Variants in NEB observed in about 807,000 individuals in gnomAD.
The protein encoded by NEB is nemaline myopathy type 2.
Under a neutral mutation model 952.2 loss-of-function variants are expected in NEB, and 512 were observed. The observed-to-expected ratio is 0.54, with a 90% CI of 0.50 to 0.58. The LOEUF (loss-of-function observed/expected upper bound fraction) is 0.58. Ranked by LOEUF, NEB falls within the 20% of genes least tolerant of loss-of-function variation. The pLI, the probability that NEB is intolerant of heterozygous loss-of-function variation, is 0.00. For missense variants in NEB, 8,428 were observed against 9,231.1 expected, an observed-to-expected ratio of 0.91 and a Z score of 3.56; for synonymous variants, 2,900 against 3,149.8, an observed-to-expected ratio of 0.92 and a Z score of 2.66.
intron 76 of NEB, chr2:151,615,741 C>T (rs2098171849): frequency 6.0e-6 from 2 of 334,424 alleles, no homozygotes; most frequent in Non-Finnish European, 1.1e-5. Context: ...TTCTGAAGCT[C>T]AAAAATATGA....
At chr2:151,731,878 G>A (rs971453866) in intron 3 of NEB, among the ~76,000 whole-genome samples, 1 of 152,116 alleles carries the variant, frequency 6.6e-6, no homozygotes, top group Non-Finnish European at 1.5e-5. Flanking sequence ...TAAGTAAAAT[G>A]CACACTAGTG....
chr2:151,680,714 TA>T lies in NEB; in HGVS notation c.3042+15del, dbSNP rs2099408198. The T allele has an allele frequency of 4.0e-6, 6 of 1,507,000 alleles. No homozygotes were observed. The highest frequency in any genetic ancestry group is 5.5e-6 in the Non-Finnish European group (6 of 1,088,372). The allele number at this position is 1,507,000 out of a possible 1,614,324, so 93.4% of individuals were successfully genotyped here. A position where few individuals can be genotyped will look rare whatever the true frequency, so the allele number is the denominator to read the frequency against. On this transcript the variant is annotated intron_variant, in intron 30 of 181. Transcript: ENST00000397345. ...TAGTTAACATCTATTAACATATAGA[TA>T]GCATTAACACTTACATCACTCCTCT...
intron 151 of NEB, 36 bp downstream of exon 151, chr2:151,525,127 A>T (rs974028856): frequency 5.5e-6 from 8 of 1,455,180 alleles, no homozygotes; most frequent in Non-Finnish European, 7.7e-6. Flanking sequence ...CACTGCTTCA[A>T]ATGGGCCCCC....
At chr2:151,548,564 A>G (rs757637316) in intron 130 of NEB, 149 bp from the exon 131 acceptor site, 13 of 597,674 alleles carry the variant, frequency 2.2e-5, no homozygotes, top group South Asian at 6.7e-5. Context: ...CAAAATTTCA[A>G]TATTAATCCA....
At chr2:151,675,262 A>G in intron 35 of NEB, 25 bp downstream of exon 35, 1 of 1,472,606 alleles carries the variant, frequency 6.8e-7, no homozygotes, top group Non-Finnish European at 9.3e-7. Flanking sequence ...TCCGAATTTC[A>G]CATCCCAGCA....
chr2:151,728,214 T>G (rs533697294), intron 4 of NEB, among the ~76,000 whole-genome samples: 4 of 152,322 alleles, frequency 2.6e-5, no homozygotes, highest in South Asian at 2.1e-4. Context: ...GGGGGGAAAT[T>G]GGCAATAAAC....
At chr2:151,609,720 C>A in intron 81 of NEB, 89 bp downstream of exon 81, 2 of 1,314,512 alleles carry the variant, frequency 1.5e-6, no homozygotes, top group Non-Finnish European at 2.1e-6. Flanking sequence ...CAGTGCACAG[C>A]CCAGGGGACT....
At chr2:151,563,393 A>G (rs533578801) in intron 119 of NEB, among the ~76,000 whole-genome samples, 7 of 152,288 alleles carry the variant, frequency 4.6e-5, no homozygotes, top group African/African-American at 1.7e-4. Context: ...AAGCAGTCAC[A>G]GTGTTAAATA....
At chr2:151,721,693 T>C (rs1317611607) in intron 9 of NEB, among the ~76,000 whole-genome samples, 2 of 152,246 alleles carry the variant, frequency 1.3e-5, no homozygotes, top group Non-Finnish European at 2.9e-5. Context: ...AGTACTTTTC[T>C]ATCCTGCCAG....
At chr2:151,547,876 A>G in intron 131 of NEB, 138 bp from the exon 132 acceptor site, 1 of 652,672 alleles carries the variant, frequency 1.5e-6, no homozygotes, top group Non-Finnish European at 2.6e-6. Flanking sequence ...GAGATTAGGA[A>G]AAAAGGAGAA....
chr2:151,567,582 CTTTTTG>C, intron 113 of NEB, 103 bp from the exon 114 acceptor site: 1 of 1,129,034 alleles, frequency 8.9e-7, no homozygotes, highest in Non-Finnish European at 1.2e-6. Context: ...AGCCCCCCAG[CTTTTTG>C]TTTGACACCC....
rs2092305324 is a variant in NEB at position 151,533,485 on chromosome 2, G to A, written c.21374C>T (p.Pro7125Leu). Residue 7125 changes from proline to leucine, a missense_variant, in exon 143 of 182, where the codon CCA (proline) becomes CTA (leucine). Pro to Leu is a moderately conservative substitution (Grantham distance 98). Coordinates refer to ENST00000397345, the MANE Select transcript of NEB (RefSeq NM_001164508.2). ...LQHGCNEILR[P>L]DMLTALYNSH... The stretch of plus-strand genomic sequence containing the variant: ...ATTGTAGAGAGCAGTCAACATATCT[G>A]GACGCAGAATTTCATTACATCCATG... The A allele has an allele frequency of 6.4e-7, 1 of 1,551,356 alleles. No individual in the cohort carries two copies. Among genetic ancestry groups the A allele is most frequent in the African/African-American group, 1.4e-5 (1 of 73,022 alleles).
chr2:151,521,425 C>A (rs931265874), intron 153 of NEB, among the ~76,000 whole-genome samples: 5 of 152,120 alleles, frequency 3.3e-5, no homozygotes, highest in South Asian at 2.1e-4. Context: ...AAGTGGAAGG[C>A]CTGCTAAGGA....
At chr2:151,572,918 C>G (rs2096693735) in intron 107 of NEB, among the ~76,000 whole-genome samples, 1 of 149,026 alleles carries the variant, frequency 6.7e-6, no homozygotes, top group Admixed American at 6.7e-5. Flanking sequence ...ATGTTTTCAG[C>G]TACTAACTTT....
At position 151,659,087 on chromosome 2, in the gene NEB, G is replaced by T. The variant is rs1413311726; in HGVS notation, c.6053C>A (p.Ala2018Glu). The change falls in exon 47 of 182, where the codon GCA becomes GAA. Residue 2018 changes from alanine to glutamate, a missense_variant. Coordinates refer to ENST00000397345, the MANE Select transcript of NEB (RefSeq NM_001164508.2). ...PDIPQIILAKANAINMSDKLY... is the reference protein window; with the variant it reads ...PDIPQIILAKENAINMSDKLY... ...TACATCACTCATATTAATTGCATTT[G>T]CCTTTGCCAAAATAATCTGGGGGAT... is the stretch of plus-strand genomic sequence containing the variant. 6.2e-7 allele frequency: 1 copy of T among 1,609,730 alleles called. No homozygotes were observed. Among genetic ancestry groups the T allele is most frequent in the Non-Finnish European group, 8.5e-7 (1 of 1,176,170 alleles).
chr2:151,717,758 C>T (rs2099763043), intron 9 of NEB, among the ~76,000 whole-genome samples: 1 of 152,098 alleles, frequency 6.6e-6, no homozygotes, highest in Non-Finnish European at 1.5e-5. Flanking sequence ...TGCAATTATT[C>T]TCTTAACCAG....
intron 181 of NEB, among the ~76,000 whole-genome samples, chr2:151,488,478 CAAAA>C (rs567755362): frequency 3.1e-5 from 3 of 95,726 alleles, no homozygotes; most frequent in African/African-American, 7.7e-5. Flanking sequence ...GAGCCTCTAC[CAAAA>C]AAAAAAAAAA....
intron 34 of NEB, among the ~76,000 whole-genome samples, chr2:151,675,814 T>C (rs191875178): frequency 6.6e-6 from 1 of 152,338 alleles, no homozygotes. Context: ...ACTTTCCAAA[T>C]TATAATTGTA....
At chr2:151,500,425 C>CAG (rs60202285) in intron 168 of NEB, among the ~76,000 whole-genome samples, 89,212 of 150,942 alleles carry the variant, frequency 0.59, 26,706 homozygotes, top group Admixed American at 0.7. Context: ...GTATATAATA[C>CAG]ACAAATAATT....
Sources: gnomAD v4.1 joint callset for allele counts (sites outside exome capture counted in the v4.1 genomes callset) on GRCh38, gnomAD v4.1.1 for gene constraint, MANE v1.5 for transcripts, NCBI Gene and HGNC (gene_info 2026-07-23, HGNC 2026-07-21) for gene names.